TBC1D5: variants seen among roughly 807,000 people sequenced by gnomAD.
TBC1D5 encodes the protein TBC1 domain family member 5.
TBC1D5 carries 75 observed loss-of-function variants against 100.3 expected under a neutral mutation model. The observed-to-expected ratio is 0.75, with a 90% confidence interval of 0.62 to 0.91. The LOEUF (loss-of-function observed/expected upper bound fraction) is 0.91, where lower values mean the gene tolerates loss of function less well. TBC1D5 is among the 40% of genes least tolerant of loss of function. The probability of loss-of-function intolerance (pLI) is 0.00; values close to 1 mark genes in which losing one functional copy is unlikely to be tolerated. For missense variants in TBC1D5, 910 were observed against 942.4 expected, an observed-to-expected ratio of 0.97 and a Z score of 0.45; for synonymous variants, 323 against 325.6, an observed-to-expected ratio of 0.99 and a Z score of 0.09.
At chr3:17,640,093 A>G (rs1036293409) in intron 1 of TBC1D5, among the ~76,000 whole-genome samples, 11 of 152,108 alleles carry the variant, frequency 7.2e-5, no homozygotes, top group Non-Finnish European at 1.6e-4. Context: ...AGAGAAATAT[A>G]ATACAGAGGA....
chr3:17,699,467 G>A (rs1230043568), intron 1 of TBC1D5, among the ~76,000 whole-genome samples: 6 of 140,908 alleles, frequency 4.3e-5, no homozygotes, highest in Admixed American at 2.2e-4. Context: ...TGGGTGCAGC[G>A]CACCAGCATG....
chr3:17,669,170 T>TC lies in TBC1D5; in HGVS notation c.-100-45258dup, dbSNP rs542753332. Among the ~76,000 whole-genome samples, 3 of 152,148 alleles carry TC rather than the reference T, an allele frequency of 2.0e-5. No homozygotes were observed. In the South Asian group the frequency reaches 6.2e-4, roughly 32 times the overall value. ...GTCTGATTATTTTTAAAAGGTAGTT[T>TC]CCCCCTTTTGCTCAGCACTTCTCCT... is the stretch of plus-strand genomic sequence containing the variant. On this transcript the variant is annotated intron_variant, in intron 1 of 21. Coordinates refer to ENST00000253692, the Ensembl canonical transcript of TBC1D5.
At chr3:17,448,302 A>C (rs1385454232) in intron 3 of TBC1D5, among the ~76,000 whole-genome samples, 2 of 152,104 alleles carry the variant, frequency 1.3e-5, no homozygotes, top group Admixed American at 6.6e-5. Context: ...GAACATCTCC[A>C]AGTCAGCGAT....
At chr3:17,558,758 T>G (rs1011575303) in intron 2 of TBC1D5, among the ~76,000 whole-genome samples, 1 of 152,234 alleles carries the variant, frequency 6.6e-6, no homozygotes, top group African/African-American at 2.4e-5. Context: ...TGTAAACTAA[T>G]AAGCATCGCT....
At chr3:17,306,851 T>A (rs1325458714) in intron 14 of TBC1D5, among the ~76,000 whole-genome samples, 1 of 152,140 alleles carries the variant, frequency 6.6e-6, no homozygotes, top group African/African-American at 2.4e-5. Context: ...ATCCATCAAA[T>A]CTACTCAAAT....
intron 14 of TBC1D5, among the ~76,000 whole-genome samples, chr3:17,306,442 G>C (rs1163325266): frequency 6.6e-6 from 1 of 152,014 alleles, no homozygotes; most frequent in Non-Finnish European, 1.5e-5. Flanking sequence ...AAATAAGTTG[G>C]GTTAAATATT....
chr3:17,336,795 T>C (rs904465260), intron 13 of TBC1D5, among the ~76,000 whole-genome samples: 4 of 152,062 alleles, frequency 2.6e-5, no homozygotes, highest in Admixed American at 6.6e-5. Flanking sequence ...GCGTCGATGA[T>C]ATTAGGTGAA....
At chr3:17,175,920 T>C (rs2067668630) in intron 19 of TBC1D5, among the ~76,000 whole-genome samples, 1 of 152,062 alleles carries the variant, frequency 6.6e-6, no homozygotes, top group African/African-American at 2.4e-5. Context: ...GTCCTCAGCA[T>C]GAGATGCTTG....
chr3:17,705,427 C>T (rs1304930282), intron 1 of TBC1D5, among the ~76,000 whole-genome samples: 2 of 145,784 alleles, frequency 1.4e-5, no homozygotes, highest in Non-Finnish European at 3.0e-5. Flanking sequence ...GGCTGCCGGG[C>T]GGAGAGGCTC....
intron 15 of TBC1D5, among the ~76,000 whole-genome samples, chr3:17,259,017 T>C (rs1399379930): frequency 6.6e-6 from 1 of 152,210 alleles, no homozygotes; most frequent in Non-Finnish European, 1.5e-5. Context: ...ACCAGAATGC[T>C]AAATGTGTCC....
chr3:17,539,670 C>A (rs1333005142), intron 2 of TBC1D5, among the ~76,000 whole-genome samples: 1 of 152,158 alleles, frequency 6.6e-6, no homozygotes, highest in Non-Finnish European at 1.5e-5. Context: ...ACCCCCTCCC[C>A]ATCATGTCCT....
chr3:17,577,605 T>G (rs148064048), intron 2 of TBC1D5, among the ~76,000 whole-genome samples: 1 of 151,768 alleles, frequency 6.6e-6, no homozygotes, highest in Non-Finnish European at 1.5e-5. Context: ...AAAATGAAAG[T>G]GGGAGGAATA....
intron 17 of TBC1D5, among the ~76,000 whole-genome samples, 168 bp downstream of exon 17, chr3:17,237,995 A>G (rs771580328): frequency 6.6e-6 from 1 of 152,142 alleles, no homozygotes; most frequent in African/African-American, 2.4e-5. Flanking sequence ...CTCATAAAAT[A>G]TTCTTAAGAC....
At position 17,416,700 on chromosome 3, in the gene TBC1D5, C is replaced by T. The variant is rs185512335; in HGVS notation, c.168-10174G>A. 3.3e-5 allele frequency among the ~76,000 whole-genome samples: 5 copies of T among 152,266 alleles called. No individual in the cohort carries two copies. In the East Asian group the frequency reaches 9.6e-4, roughly 29 times the overall value. On this transcript the variant is annotated intron_variant, in intron 4 of 21. Transcript: ENST00000253692. ...AATCTTTTCTTTTTCTTTCCCGTGTCTATCTCATTGACTCTCCCTGTGGTT... is the reference window on the plus strand; with the variant it reads ...AATCTTTTCTTTTTCTTTCCCGTGTTTATCTCATTGACTCTCCCTGTGGTT...
intron 1 of TBC1D5, among the ~76,000 whole-genome samples, chr3:17,696,505 A>G (rs1164206058): frequency 6.6e-6 from 1 of 152,242 alleles, no homozygotes; most frequent in Non-Finnish European, 1.5e-5. Flanking sequence ...TCTAGAAGAA[A>G]TAGATGAATT....
intron 2 of TBC1D5, among the ~76,000 whole-genome samples, chr3:17,520,141 G>A (rs2096047660): frequency 6.6e-6 from 1 of 152,166 alleles, no homozygotes; most frequent in Admixed American, 6.5e-5. Context: ...TGAAATGTCA[G>A]CCTTGAACAT....
chr3:17,584,943 A>AGC (rs1183649996), intron 2 of TBC1D5, among the ~76,000 whole-genome samples: 11 of 152,198 alleles, frequency 7.2e-5, no homozygotes, highest in African/African-American at 2.4e-4. Context: ...GGCGTGAGCC[A>AGC]CTGTGCCCAG....
chr3:17,159,969 A>G (rs2065896486), exon 22 of TBC1D5: 1 of 152,196 alleles, frequency 6.6e-6, no homozygotes, highest in Non-Finnish European at 1.5e-5. Flanking sequence ...TTTGGGTGGG[A>G]ATGAACTTGG....
At chr3:17,716,033 A>G (rs2075210431) in intron 1 of TBC1D5, among the ~76,000 whole-genome samples, 1 of 152,162 alleles carries the variant, frequency 6.6e-6, no homozygotes, top group Non-Finnish European at 1.5e-5. Flanking sequence ...GCCTGGGCGA[A>G]AAGAGTGAAA....
Sources: gnomAD v4.1 joint callset for allele counts (sites outside exome capture counted in the v4.1 genomes callset) on GRCh38, gnomAD v4.1.1 for gene constraint, MANE v1.5 for transcripts, NCBI Gene and HGNC (gene_info 2026-07-23, HGNC 2026-07-21) for gene names.